Variants in USP24 observed in about 807,000 individuals in gnomAD.
USP24 encodes ubiquitin carboxyl-terminal hydrolase 24.
In USP24, 97 loss-of-function variants were observed where a neutral mutation model predicts 361.6. That is an observed-to-expected ratio of 0.27 (90% CI 0.23 to 0.32). The LOEUF (loss-of-function observed/expected upper bound fraction) is 0.32. Ranked by LOEUF, USP24 falls within the 10% of genes least tolerant of loss-of-function variation. The pLI, the probability that USP24 is intolerant of heterozygous loss-of-function variation, is 1.00. For synonymous variants in USP24, 1,098 were observed against 1,124.6 expected (o/e 0.98, Z 0.47); for missense variants, 2,353 against 3,165.6 (o/e 0.74, Z 6.16).
chr1:55,070,556 GT>G (rs2100379600), intron 67 of USP24, among the ~76,000 whole-genome samples: 2 of 152,358 alleles, frequency 1.3e-5, no homozygotes, highest in East Asian at 3.9e-4. Context: ...CAACTGCTGA[GT>G]TGGAGAGAAG....
At chr1:55,110,459 G>GA (rs1329084595) in intron 38 of USP24, among the ~76,000 whole-genome samples, 1 of 152,236 alleles carries the variant, frequency 6.6e-6, no homozygotes, top group African/African-American at 2.4e-5. Context: ...TAAAGAGAGG[G>GA]AAACACTAAA....
intron 5 of USP24, among the ~76,000 whole-genome samples, chr1:55,167,162 T>G (rs1050672018): frequency 2.0e-5 from 3 of 152,098 alleles, no homozygotes; most frequent in African/African-American, 7.2e-5. Flanking sequence ...TAGAGCATCA[T>G]ATACAGAAGA....
At chr1:55,180,427 C>CA (rs1643930657) in intron 1 of USP24, among the ~76,000 whole-genome samples, 1 of 152,116 alleles carries the variant, frequency 6.6e-6, no homozygotes, top group South Asian at 2.1e-4. Flanking sequence ...ACTAAGGTCT[C>CA]ATTGGACAAC....
intron 1 of USP24, among the ~76,000 whole-genome samples, chr1:55,188,053 T>A (rs971130546): frequency 3.3e-5 from 5 of 152,194 alleles, no homozygotes; most frequent in Admixed American, 6.5e-5. Flanking sequence ...AATGAATCAA[T>A]GGAATATAAT....
At chr1:55,159,785 T>C in intron 8 of USP24, 100 bp from the exon 9 acceptor site, 1 of 1,136,156 alleles carries the variant, frequency 8.8e-7, no homozygotes. Flanking sequence ...GAAGGTGCAA[T>C]GAAAAGATAA....
At chr1:55,117,444 T>C (rs978907651) in intron 38 of USP24, among the ~76,000 whole-genome samples, 2 of 152,222 alleles carry the variant, frequency 1.3e-5, no homozygotes, top group African/African-American at 2.4e-5. Flanking sequence ...CAAAAGAAAC[T>C]GTGGCCGGGC....
At chr1:55,201,163 A>C (rs1488178685) in intron 1 of USP24, among the ~76,000 whole-genome samples, 2 of 152,226 alleles carry the variant, frequency 1.3e-5, no homozygotes, top group Non-Finnish European at 2.9e-5. Context: ...AGACTATTTG[A>C]GAAGCATGAA....
intron 30 of USP24, among the ~76,000 whole-genome samples, chr1:55,133,147 C>T (rs1195742533): frequency 6.6e-6 from 1 of 152,144 alleles, no homozygotes; most frequent in Admixed American, 6.5e-5. Flanking sequence ...CTGAGCTGAT[C>T]TAAATTTCTA....
At chr1:55,101,797 C>T in intron 42 of USP24, 94 bp from the exon 43 acceptor site, 1 of 1,395,838 alleles carries the variant, frequency 7.2e-7, no homozygotes, top group Non-Finnish European at 9.4e-7. Flanking sequence ...GATATATTCA[C>T]AGATTTACCC....
intron 12 of USP24, among the ~76,000 whole-genome samples, chr1:55,155,282 T>C (rs1647521537): frequency 6.6e-6 from 1 of 152,242 alleles, no homozygotes; most frequent in South Asian, 2.1e-4. Context: ...CTATAGACCC[T>C]ATTGTCAACC....
At chr1:55,093,910 C>T in intron 52 of USP24, 27 bp downstream of exon 52, 1 of 1,612,258 alleles carries the variant, frequency 6.2e-7, no homozygotes, top group Non-Finnish European at 8.5e-7. Context: ...GGATATTCCC[C>T]CTTAGAATTT....
intron 26 of USP24, among the ~76,000 whole-genome samples, chr1:55,138,387 A>C (rs1316406101): frequency 6.6e-6 from 1 of 151,856 alleles, no homozygotes; most frequent in East Asian, 1.9e-4. Flanking sequence ...ATCCTGCTTT[A>C]CTCTTATTTG....
intron 37 of USP24, 76 bp from the exon 38 acceptor site, chr1:55,120,832 C>T: frequency 7.0e-7 from 1 of 1,426,042 alleles, no homozygotes. Context: ...GATTTTCTTC[C>T]AAAGTCCAGC....
chr1:55,206,999 T>A (rs1260310898), intron 1 of USP24, among the ~76,000 whole-genome samples: 1 of 151,860 alleles, frequency 6.6e-6, no homozygotes, highest in Admixed American at 6.6e-5. Flanking sequence ...AAACCCTATA[T>A]CTACAAAAAA....
At chr1:55,093,142 T>A (rs999178675) in intron 52 of USP24, among the ~76,000 whole-genome samples, 60 of 152,300 alleles carry the variant, frequency 3.9e-4, no homozygotes, top group African/African-American at 1.4e-3. Context: ...ACCATACCCT[T>A]TTGGGAAATT....
intron 24 of USP24, among the ~76,000 whole-genome samples, chr1:55,140,484 A>G (rs982390818): frequency 2.6e-5 from 4 of 152,200 alleles, no homozygotes; most frequent in African/African-American, 9.6e-5. Context: ...ATCTATCATT[A>G]CTTCTGCCAT....
chr1:55,182,264 A>C (rs371759749), intron 1 of USP24, among the ~76,000 whole-genome samples: 37 of 152,114 alleles, frequency 2.4e-4, no homozygotes, highest in South Asian at 4.2e-4. Flanking sequence ...GTTGGCCAGG[A>C]TGGTCTCGAT....
At chr1:55,169,526 T>C (rs1649231302) in intron 5 of USP24, among the ~76,000 whole-genome samples, 1 of 152,066 alleles carries the variant, frequency 6.6e-6, no homozygotes, top group South Asian at 2.1e-4. Flanking sequence ...CACATTACAA[T>C]CAAATTTACA....
Position 55,083,259 on chromosome 1 carries a change from A to G in USP24, c.6975+13T>C, listed in dbSNP as rs751592225. The G allele has an allele frequency of 3.1e-5, 50 of 1,612,944 alleles. No individual in the cohort carries two copies. The Admixed American group carries it at 8.0e-4, about 26-fold the overall frequency. ...CATAGCTATTCCACTAGGGATATAA[A>G]AGTAGTCCTTACCTGATTGTTTTGC... On this transcript the variant is annotated intron_variant, in intron 58 of 67. Coordinates refer to ENST00000294383, the MANE Select transcript of USP24 (RefSeq NM_015306.3).
Sources: allele counts gnomAD v4.1 joint callset (sites outside exome capture counted in the v4.1 genomes callset), GRCh38; gene constraint gnomAD v4.1.1; transcripts MANE v1.5; gene names NCBI Gene and HGNC (gene_info 2026-07-23, HGNC 2026-07-21).